Variants in PLXNA4 observed in about 807,000 individuals in gnomAD.
The protein encoded by PLXNA4 is plexin-A4.
PLXNA4 carries 44 observed loss-of-function variants against 191.8 expected under a neutral mutation model. That is an observed-to-expected ratio of 0.23 (90% confidence interval 0.18 to 0.29). The LOEUF (loss-of-function observed/expected upper bound fraction) is 0.29. Ranked by LOEUF, PLXNA4 falls within the 10% of genes least tolerant of loss-of-function variation. The pLI, the probability that PLXNA4 is intolerant of heterozygous loss-of-function variation, is 1.00. For synonymous variants in PLXNA4, 1,082 were observed against 1,009.5 expected, an observed-to-expected ratio of 1.07 and a Z score of -1.36; for missense variants, 1,800 against 2,488.8, an observed-to-expected ratio of 0.72 and a Z score of 5.89.
At chr7:132,527,867 C>T (rs761068314) in intron 1 of PLXNA4, among the ~76,000 whole-genome samples, 1 of 152,166 alleles carries the variant, frequency 6.6e-6, no homozygotes, top group Non-Finnish European at 1.5e-5. Flanking sequence ...ATAGAGCCTG[C>T]ACACAGAGGC....
intron 9 of PLXNA4, among the ~76,000 whole-genome samples, chr7:132,212,415 C>T (rs1017098529): frequency 4.6e-5 from 7 of 152,158 alleles, no homozygotes; most frequent in South Asian, 2.1e-4. Flanking sequence ...TGTGCCATTG[C>T]GAGTTACACC....
chr7:132,361,796 C>T (rs1314911716), intron 3 of PLXNA4, among the ~76,000 whole-genome samples: 4 of 152,070 alleles, frequency 2.6e-5, no homozygotes, highest in Admixed American at 2.6e-4. Flanking sequence ...ATTTTCCCTC[C>T]TGTGTTCTAT....
At chr7:132,292,210 T>A (rs536809335) in intron 4 of PLXNA4, among the ~76,000 whole-genome samples, 40 of 152,328 alleles carry the variant, frequency 2.6e-4, no homozygotes, top group African/African-American at 9.1e-4. Context: ...CGCAAAATAT[T>A]TCCCCTGACT....
At chr7:132,633,135 G>A (rs1378186220) in intron 2 of PLXNA4, among the ~76,000 whole-genome samples, 7 of 152,122 alleles carry the variant, frequency 4.6e-5, no homozygotes, top group Non-Finnish European at 8.8e-5. Flanking sequence ...GGAGGTGGGC[G>A]AAGAGATGGG....
chr7:132,479,563 GC>G (rs1215517068), intron 3 of PLXNA4, among the ~76,000 whole-genome samples: 3 of 152,380 alleles, frequency 2.0e-5, no homozygotes, highest in Middle Eastern at 3.4e-3. Context: ...CCCACAATGA[GC>G]AAGGGAGAGA....
At chr7:132,604,270 G>A (rs1231646634) in intron 2 of PLXNA4, among the ~76,000 whole-genome samples, 1 of 152,174 alleles carries the variant, frequency 6.6e-6, no homozygotes, top group East Asian at 1.9e-4. Context: ...CACTAGCTCA[G>A]GAGCTGATGG....
rs200517678 is a variant in PLXNA4 at position 132,140,646 on chromosome 7, C to T, written c.5391G>A (p.Lys1797=). 6.2e-7 allele frequency: 1 copy of T among 1,614,090 alleles called. No individual in the cohort carries two copies. Among genetic ancestry groups the T allele is most frequent in the East Asian group, 2.2e-5 (1 of 44,880 alleles). The change falls in exon 30 of 32, where the codon AAG becomes AAA. Residue 1797 remains lysine (K), a synonymous_variant. Transcript: ENST00000321063. ...HRLGKDSPSN[K]LLYAKDIPSY... Reference sequence around the variant, plus strand: ...TGGGGATGTCCTTGGCATACAGCAGCTTGTTGGAGGGCGAGTCCTTGCCCA... The same window carrying T: ...TGGGGATGTCCTTGGCATACAGCAGTTTGTTGGAGGGCGAGTCCTTGCCCA...
chr7:132,430,099 C>CTTG (rs548135987), intron 3 of PLXNA4, among the ~76,000 whole-genome samples: 160 of 152,314 alleles, frequency 1.1e-3, no homozygotes, highest in African/African-American at 3.7e-3. Flanking sequence ...TTCTATGCAG[C>CTTG]ACAACCTAAC....
chr7:132,541,121 A>G (rs1293134159), intron 1 of PLXNA4, among the ~76,000 whole-genome samples: 1 of 152,198 alleles, frequency 6.6e-6, no homozygotes, highest in Non-Finnish European at 1.5e-5. Context: ...AGCACACAAA[A>G]GCATGCACGA....
intron 1 of PLXNA4, among the ~76,000 whole-genome samples, chr7:132,523,122 G>C (rs901805754): frequency 2.6e-5 from 4 of 152,082 alleles, no homozygotes; most frequent in Non-Finnish European, 4.4e-5. Context: ...CTACATTCTG[G>C]GGGTGCAGCA....
intron 1 of PLXNA4, among the ~76,000 whole-genome samples, chr7:132,532,352 C>T (rs1799651072): frequency 6.6e-6 from 1 of 152,212 alleles, no homozygotes; most frequent in African/African-American, 2.4e-5. Context: ...ACAGGTTCCA[C>T]AGGTCTGGAG....
Position 132,547,513 on chromosome 7 carries a change from C to T in PLXNA4, c.-87+28909G>A, listed in dbSNP as rs143635533. ...TCGCTAGGGTGCTCCTGAATGCATG[C>T]AGGCATGGGTAAGTGTATAGTGAGT... On this transcript the variant is annotated intron_variant, in intron 1 of 31. Transcript: ENST00000321063. 4.6e-5 allele frequency among the ~76,000 whole-genome samples: 7 copies of T among 152,264 alleles called. No individual in the cohort carries two copies. In the East Asian group the frequency reaches 7.7e-4, roughly 17 times the overall value.
intron 3 of PLXNA4, among the ~76,000 whole-genome samples, chr7:132,422,532 GC>G (rs1278864610): frequency 6.6e-6 from 1 of 152,174 alleles, no homozygotes; most frequent in African/African-American, 2.4e-5. Context: ...GCTAATAGGG[GC>G]CATCGTAATT....
At chr7:132,320,057 T>C (rs1474791682) in intron 3 of PLXNA4, among the ~76,000 whole-genome samples, 1 of 152,198 alleles carries the variant, frequency 6.6e-6, no homozygotes, top group Non-Finnish European at 1.5e-5. Context: ...GCATCTCCCT[T>C]GAAAGTCAGC....
chr7:132,376,377 G>T (rs1460423671), intron 3 of PLXNA4, among the ~76,000 whole-genome samples: 1 of 152,132 alleles, frequency 6.6e-6, no homozygotes, highest in African/African-American at 2.4e-5. Context: ...AGGATGCTGG[G>T]GTTCCTGTGC....
chr7:132,328,393 C>A (rs977898402), intron 3 of PLXNA4, among the ~76,000 whole-genome samples: 1 of 152,164 alleles, frequency 6.6e-6, no homozygotes, highest in African/African-American at 2.4e-5. Flanking sequence ...TGTGACATCA[C>A]TGAGGCACAT....
At chr7:132,483,739 T>C (rs1012564956) in intron 3 of PLXNA4, among the ~76,000 whole-genome samples, 1 of 152,200 alleles carries the variant, frequency 6.6e-6, no homozygotes, top group Non-Finnish European at 1.5e-5. Flanking sequence ...AAATCTTGAA[T>C]TGGCAAAGCT....
At chr7:132,146,482 C>G (rs763935065) in intron 28 of PLXNA4, 28 bp downstream of exon 28, 1 of 1,614,138 alleles carries the variant, frequency 6.2e-7, no homozygotes, top group South Asian at 1.1e-5. Flanking sequence ...CCTCTGGGCT[C>G]CCTGCACCCA....
chr7:132,127,550 G>T lies in PLXNA4; in HGVS notation c.*2929C>A, dbSNP rs1268978972. The T allele has an allele frequency of 1.3e-5, 2 of 152,092 alleles. No homozygotes were observed. Among genetic ancestry groups the T allele is most frequent in the African/African-American group, 4.8e-5 (2 of 41,408 alleles). 9.4% of individuals were successfully genotyped at this position (152,092 alleles called of 1,614,324 possible). ...TTTGCTTTTAAATACCATATCACAC[G>T]TGCACCAAGAATCCAAACGGAAGAA... On this transcript the variant is annotated 3_prime_UTR_variant, in exon 32 of 32. Coordinates refer to ENST00000321063, the MANE Select transcript of PLXNA4 (RefSeq NM_020911.2).
Sources: allele counts gnomAD v4.1 joint callset (sites outside exome capture counted in the v4.1 genomes callset), GRCh38; gene constraint gnomAD v4.1.1; transcripts MANE v1.5; gene names NCBI Gene and HGNC (gene_info 2026-07-23, HGNC 2026-07-21).